GOT1: variants seen among roughly 807,000 people sequenced by gnomAD.
GOT1 encodes the protein glutamic-oxaloacetic transaminase 1, also known as aspartate aminotransferase, cytoplasmic.
In GOT1, 25 loss-of-function variants were observed where a neutral mutation model predicts 48.2. That is an observed-to-expected ratio of 0.52 (90% CI 0.38 to 0.72). The LOEUF (loss-of-function observed/expected upper bound fraction) is 0.72. Among genes scored for constraint, GOT1 ranks in the 30% least tolerant of loss-of-function variants. The pLI is 0.00. For synonymous variants in GOT1, 188 were observed against 193.8 expected (o/e 0.97, Z 0.25); for missense variants, 380 against 520.1 (o/e 0.73, Z 2.62).
At chr10:99,406,417 C>T (rs1159196993) in intron 3 of GOT1, among the ~76,000 whole-genome samples, 168 bp from the exon 4 acceptor site, 1 of 152,190 alleles carries the variant, frequency 6.6e-6, no homozygotes, top group Non-Finnish European at 1.5e-5. Flanking sequence ...ACAAGTTCAA[C>T]CAGTCACATT....
intron 2 of GOT1, among the ~76,000 whole-genome samples, chr10:99,413,362 A>G (rs2032852152): frequency 6.6e-6 from 1 of 152,220 alleles, no homozygotes; most frequent in African/African-American, 2.4e-5. Context: ...CAAATGAATG[A>G]AATGAAGTGA....
intron 8 of GOT1, among the ~76,000 whole-genome samples, chr10:99,398,670 CA>C (rs199689809): frequency 1.3e-4 from 17 of 134,682 alleles, no homozygotes; most frequent in Admixed American, 1.5e-4. Context: ...GACTCTGTCT[CA>C]AAAAAAAAAA....
chr10:99,404,041 C>A (rs933999399), intron 5 of GOT1, among the ~76,000 whole-genome samples, 167 bp from the exon 6 acceptor site: 9 of 152,212 alleles, frequency 5.9e-5, no homozygotes, highest in Non-Finnish European at 1.0e-4. Flanking sequence ...TTTCTCTCTA[C>A]AACCAACAAG....
At chr10:99,399,768 G>A (rs1476310015) in intron 8 of GOT1, among the ~76,000 whole-genome samples, 1 of 152,162 alleles carries the variant, frequency 6.6e-6, no homozygotes, top group Non-Finnish European at 1.5e-5. Flanking sequence ...GTGAGACTCT[G>A]ACTCAAAAAT....
In GOT1 at chr10:99,403,501, G is replaced by A; in HGVS notation, c.927C>T (p.Ser309=). ...PPAQGARIVA[S]TLSNPELFEE... ...CAAAGAGCTCAGGGTTAGAGAGGGT[G>A]CTGGCCACAATTCGTGCTCCCTGGG... Residue 309 remains serine (S), a synonymous_variant, in exon 7 of 9, where the codon AGC becomes AGT. Transcript: ENST00000370508. 6.2e-7 allele frequency: 1 copy of A among 1,614,088 alleles called. No homozygotes were observed. Among genetic ancestry groups the A allele is most frequent in the East Asian group, 2.2e-5 (1 of 44,882 alleles).
chr10:99,410,105 A>G (rs1438253523), intron 2 of GOT1, among the ~76,000 whole-genome samples: 1 of 152,222 alleles, frequency 6.6e-6, no homozygotes, highest in Non-Finnish European at 1.5e-5. Context: ...TGTTATTTAC[A>G]GTGATCCTTA....
chr10:99,413,751 A>G (rs2032857291), intron 2 of GOT1, among the ~76,000 whole-genome samples: 1 of 152,192 alleles, frequency 6.6e-6, no homozygotes, highest in Non-Finnish European at 1.5e-5. Context: ...CTCAGCAGAA[A>G]CTCTACAAGC....
intron 2 of GOT1, among the ~76,000 whole-genome samples, chr10:99,414,142 T>C (rs1014986471): frequency 1.3e-5 from 2 of 152,160 alleles, no homozygotes; most frequent in African/African-American, 4.8e-5. Flanking sequence ...AGACACAGAC[T>C]GGCAAATTGG....
intron 1 of GOT1, among the ~76,000 whole-genome samples, chr10:99,422,306 G>A (rs1282059555): frequency 1.3e-5 from 2 of 152,100 alleles, no homozygotes; most frequent in Non-Finnish European, 2.9e-5. Context: ...TTATATGGCC[G>A]GTGGAACTAT....
chr10:99,413,208 T>C (rs1026958257), intron 2 of GOT1, among the ~76,000 whole-genome samples: 2 of 152,122 alleles, frequency 1.3e-5, no homozygotes, highest in Admixed American at 1.3e-4. Flanking sequence ...ATTAGACGAA[T>C]GGCTAACTAG....
At chr10:99,414,667 T>C (rs2032871389) in intron 2 of GOT1, among the ~76,000 whole-genome samples, 1 of 151,830 alleles carries the variant, frequency 6.6e-6, no homozygotes, top group African/African-American at 2.4e-5. Context: ...CACACTTATT[T>C]CAAAATTGAC....
At chr10:99,402,376 G>A (rs1261185300) in intron 8 of GOT1, among the ~76,000 whole-genome samples, 2 of 152,302 alleles carry the variant, frequency 1.3e-5, no homozygotes, top group African/African-American at 4.8e-5. Context: ...GGGTCAGCAG[G>A]GCAGACCACA....
At chr10:99,422,470 C>T (rs1448282167) in intron 1 of GOT1, among the ~76,000 whole-genome samples, 2 of 152,128 alleles carry the variant, frequency 1.3e-5, no homozygotes, top group East Asian at 3.8e-4. Flanking sequence ...TTTTGATGGG[C>T]ATATTCTTTT....
At chr10:99,408,673 C>T (rs900342352) in intron 2 of GOT1, among the ~76,000 whole-genome samples, 6 of 152,114 alleles carry the variant, frequency 3.9e-5, no homozygotes, top group African/African-American at 9.7e-5. Context: ...GAGCCAAGAT[C>T]GCACCACTGC....
Position 99,397,009 on chromosome 10 carries a change from G to A in GOT1, c.*538C>T, listed in dbSNP as rs536321798. 17 of 154,390 alleles carry A rather than the reference G, an allele frequency of 1.1e-4. No individual in the cohort carries two copies. Among genetic ancestry groups the A allele is most frequent in the Non-Finnish European group, 1.9e-4 (13 of 69,366 alleles). 9.6% of individuals were successfully genotyped at this position (154,390 alleles called of 1,614,324 possible). On this transcript the variant is annotated 3_prime_UTR_variant, in exon 9 of 9. Coordinates refer to ENST00000370508, the MANE Select transcript of GOT1 (RefSeq NM_002079.3). The surrounding 1 kb of genome is among the most constrained non-coding windows in gnomAD (Gnocchi z 5.4). ...GTTTCAGTTAAATATGTACGTGTCC[G>A]TGCATGTCATGATTAAATATCCTTC... is the stretch of plus-strand genomic sequence containing the variant.
At chr10:99,426,119 G>T (rs995049931) in intron 1 of GOT1, among the ~76,000 whole-genome samples, 2 of 152,112 alleles carry the variant, frequency 1.3e-5, no homozygotes, top group Non-Finnish European at 2.9e-5. Flanking sequence ...TAAGTTCATG[G>T]ATCCATGTGC....
chr10:99,405,257 CA>C (rs2032739519), intron 5 of GOT1, among the ~76,000 whole-genome samples: 1 of 151,824 alleles, frequency 6.6e-6, no homozygotes, highest in South Asian at 2.1e-4. Context: ...AAAGTTACGC[CA>C]AAGAAATAAT....
intron 4 of GOT1, 42 bp from the exon 5 acceptor site, chr10:99,405,902 A>C: frequency 9.1e-7 from 1 of 1,104,550 alleles, no homozygotes; most frequent in Non-Finnish European, 1.4e-6. Flanking sequence ...ACTGATGGGA[A>C]TATTGGGAGA....
At chr10:99,409,382 C>A (rs1187090482) in intron 2 of GOT1, among the ~76,000 whole-genome samples, 2 of 152,136 alleles carry the variant, frequency 1.3e-5, no homozygotes, top group African/African-American at 4.8e-5. Context: ...CCGCCTGCCT[C>A]GGCTTCCCAA....
Sources: allele counts gnomAD v4.1 joint callset (sites outside exome capture counted in the v4.1 genomes callset), GRCh38; gene constraint gnomAD v4.1.1; non-coding constraint Gnocchi (gnomAD v3.1); transcripts MANE v1.5; gene names NCBI Gene and HGNC (gene_info 2026-07-23, HGNC 2026-07-21).